Variants in KCNAB1 observed in about 807,000 individuals in gnomAD.
The protein encoded by KCNAB1 is potassium voltage-gated channel subfamily A regulatory beta subunit 1.
KCNAB1 carries 35 observed loss-of-function variants against 64.6 expected under a neutral mutation model. That is an observed-to-expected ratio of 0.54 (90% CI 0.41 to 0.72). KCNAB1 has a LOEUF of 0.72. Ranked by LOEUF, KCNAB1 falls within the 30% of genes least tolerant of loss-of-function variation. The probability of loss-of-function intolerance (pLI) is 0.00; values close to 1 mark genes in which losing one functional copy is unlikely to be tolerated. For synonymous variants in KCNAB1, 177 were observed against 183.8 expected (o/e 0.96, Z 0.30); for missense variants, 401 against 512.9 (o/e 0.78, Z 2.11).
At chr3:156,191,685 A>G (rs1168032018) in intron 1 of KCNAB1, among the ~76,000 whole-genome samples, 2 of 152,076 alleles carry the variant, frequency 1.3e-5, no homozygotes, top group Non-Finnish European at 2.9e-5. Flanking sequence ...AAATACTTTC[A>G]AAAAAATGTC....
chr3:156,513,861 AC>A lies in KCNAB1; in HGVS notation c.659-502del, dbSNP rs1454919233. 7.9e-5 allele frequency among the ~76,000 whole-genome samples: 12 copies of A among 152,316 alleles called. No homozygotes were observed. The East Asian group carries it at 2.3e-3, about 29-fold the overall frequency. On this transcript the variant is annotated intron_variant, in intron 8 of 13. Coordinates refer to ENST00000490337, the MANE Select transcript of KCNAB1 (RefSeq NM_172160.3). ...TTTAATATGTTTATCTTTCTGCTAA[AC>A]ACATTGTTGTTGAGTCACCTCTCTT...
At chr3:156,518,476 A>G (rs1312531272) in intron 11 of KCNAB1, among the ~76,000 whole-genome samples, 1 of 152,052 alleles carries the variant, frequency 6.6e-6, no homozygotes, top group African/African-American at 2.4e-5. Context: ...AAAAGAAAAG[A>G]AAAGAAAGAA....
chr3:156,454,028 C>T (rs115338745), intron 3 of KCNAB1, among the ~76,000 whole-genome samples: 1,741 of 152,316 alleles, frequency 0.011, 14 homozygotes, highest in South Asian at 0.032. Context: ...TTCTCCACAG[C>T]TCCCCAAATC....
chr3:156,124,712 T>C (rs1283559126), intron 1 of KCNAB1, among the ~76,000 whole-genome samples: 2 of 152,184 alleles, frequency 1.3e-5, no homozygotes, highest in Non-Finnish European at 2.9e-5. Context: ...TCTTATTGCT[T>C]TCTCTGTACT....
In KCNAB1 at chr3:156,267,185, G is replaced by A. The variant is rs149674680; in HGVS notation, c.275+146299G>A. Among the ~76,000 whole-genome samples, 860 of 152,190 alleles carry A rather than the reference G, an allele frequency of 5.7e-3. 9 individuals are homozygous for A. Among genetic ancestry groups the A allele is most frequent in the South Asian group, 0.016 (78 of 4,810 alleles). On this transcript the variant is annotated intron_variant, in intron 1 of 13. Coordinates refer to ENST00000490337, the MANE Select transcript of KCNAB1 (RefSeq NM_172160.3). Reference sequence around the variant, plus strand: ...GCCTATGTCAAAACAGTGTTACACTGTACATATTATTTTGCGGGCTGCTTT... The same window carrying A: ...GCCTATGTCAAAACAGTGTTACACTATACATATTATTTTGCGGGCTGCTTT...
chr3:156,245,401 G>A (rs1403384476), intron 1 of KCNAB1, among the ~76,000 whole-genome samples: 1 of 152,052 alleles, frequency 6.6e-6, no homozygotes, highest in Non-Finnish European at 1.5e-5. Flanking sequence ...ATAACATCTT[G>A]CATAACATGG....
At chr3:156,259,129 C>T (rs1718280239) in intron 1 of KCNAB1, among the ~76,000 whole-genome samples, 1 of 152,176 alleles carries the variant, frequency 6.6e-6, no homozygotes, top group East Asian at 1.9e-4. Flanking sequence ...GCTGTAGAAG[C>T]AAACCATTTC....
intron 1 of KCNAB1, among the ~76,000 whole-genome samples, chr3:156,168,378 A>G (rs946070445): frequency 1.9e-4 from 29 of 152,326 alleles, no homozygotes; most frequent in Middle Eastern, 6.8e-3. Flanking sequence ...TAAAGAGACA[A>G]CAATAAGAAT....
intron 1 of KCNAB1, among the ~76,000 whole-genome samples, chr3:156,132,455 CACTT>C (rs1377341639): frequency 2.0e-5 from 3 of 152,326 alleles, no homozygotes; most frequent in East Asian, 3.9e-4. Context: ...CCTTGAGACT[CACTT>C]ACGGCTGGAT....
chr3:156,254,038 G>A (rs1234696335), intron 1 of KCNAB1, among the ~76,000 whole-genome samples: 1 of 152,208 alleles, frequency 6.6e-6, no homozygotes, highest in Non-Finnish European at 1.5e-5. Context: ...GGAGGTTGAT[G>A]TGTAAGGACA....
chr3:156,182,695 A>AT (rs10624040), intron 1 of KCNAB1, among the ~76,000 whole-genome samples: 10,619 of 132,656 alleles, frequency 0.08, 566 homozygotes, highest in African/African-American at 0.13. Context: ...AAGTAAGACA[A>AT]TTTTTTTTTT....
chr3:156,297,481 GA>G lies in KCNAB1; in HGVS notation c.276-124124del, dbSNP rs1012391189. 7.0e-3 allele frequency among the ~76,000 whole-genome samples: 1,001 copies of G among 143,270 alleles called. 10 individuals are homozygous for G. The highest frequency in any genetic ancestry group is 0.023 in the African/African-American group (895 of 39,354). The allele number at this position is 143,270 out of a possible 152,430, so 94.0% of individuals were successfully genotyped here. ...AAGGATTAATCTGGCAGTTGTTCCA[GA>G]AAAAAAAAAATTAAGAGTTGTAGCT... On this transcript the variant is annotated intron_variant, in intron 1 of 13. Transcript: ENST00000490337.
intron 8 of KCNAB1, among the ~76,000 whole-genome samples, chr3:156,492,934 G>T (rs1365154680): frequency 6.6e-6 from 1 of 152,046 alleles, no homozygotes; most frequent in Non-Finnish European, 1.5e-5. Context: ...AGAGTTCAAG[G>T]GACTGCTGCT....
chr3:156,182,096 A>G (rs765516606), intron 1 of KCNAB1, among the ~76,000 whole-genome samples: 4 of 152,162 alleles, frequency 2.6e-5, no homozygotes, highest in Non-Finnish European at 5.9e-5. Context: ...ATAACTTTAT[A>G]ATTATATTAG....
chr3:156,388,460 C>T (rs988346351), intron 1 of KCNAB1, among the ~76,000 whole-genome samples: 2 of 152,198 alleles, frequency 1.3e-5, no homozygotes, highest in African/African-American at 4.8e-5. Context: ...GGTCCTTAGA[C>T]ATCCTAATAA....
chr3:156,183,897 C>T (rs1713026895), intron 1 of KCNAB1, among the ~76,000 whole-genome samples: 1 of 152,164 alleles, frequency 6.6e-6, no homozygotes, highest in South Asian at 2.1e-4. Flanking sequence ...GGCTTGGCCA[C>T]CACTTACAGA....
intron 1 of KCNAB1, among the ~76,000 whole-genome samples, chr3:156,304,610 G>A (rs1324302681): frequency 6.6e-6 from 1 of 152,148 alleles, no homozygotes; most frequent in Non-Finnish European, 1.5e-5. Context: ...TTCCCTTGTT[G>A]GCATGTGGCA....
chr3:156,475,465 C>A (rs2108320188), intron 8 of KCNAB1, among the ~76,000 whole-genome samples: 1 of 152,208 alleles, frequency 6.6e-6, no homozygotes, highest in African/African-American at 2.4e-5. Flanking sequence ...ATGTTTGAGA[C>A]AGAAGATAGT....
chr3:156,294,014 A>G (rs1720627593), intron 1 of KCNAB1, among the ~76,000 whole-genome samples: 1 of 152,226 alleles, frequency 6.6e-6, no homozygotes, highest in Non-Finnish European at 1.5e-5. Context: ...AAATCAGAAG[A>G]AATCAAAAGT....
Sources: gnomAD v4.1 joint callset for allele counts (sites outside exome capture counted in the v4.1 genomes callset) on GRCh38, gnomAD v4.1.1 for gene constraint, MANE v1.5 for transcripts, NCBI Gene and HGNC (gene_info 2026-07-23, HGNC 2026-07-21) for gene names.